IL10: variants seen among roughly 807,000 people sequenced by gnomAD.
The protein encoded by IL10 is interleukin 10, also known as interleukin-10.
Under a neutral mutation model 21.0 loss-of-function variants are expected in IL10, and 7 were observed. The observed-to-expected ratio is 0.33, with a 90% CI of 0.19 to 0.63. The LOEUF (loss-of-function observed/expected upper bound fraction) is 0.63. Ranked by LOEUF, IL10 falls within the 20% of genes least tolerant of loss-of-function variation. The pLI is 0.77. For missense variants in IL10, 161 were observed against 213.0 expected (o/e 0.76, Z 1.52); for synonymous variants, 83 against 79.7 (o/e 1.04, Z -0.22).
intron 4 of IL10, among the ~76,000 whole-genome samples, chr1:206,769,178 T>C (rs1488012457): frequency 2.0e-5 from 3 of 152,196 alleles, no homozygotes; most frequent in African/African-American, 7.2e-5. Context: ...CACCCCCTGA[T>C]GTTGGCACTC....
Position 206,768,308 on chromosome 1 carries a change from A to AT in IL10, c.*327dup, listed in dbSNP as rs9282739. On this transcript the variant is annotated 3_prime_UTR_variant, in exon 5 of 5. Coordinates refer to ENST00000423557, the MANE Select transcript of IL10 (RefSeq NM_000572.3). The stretch of plus-strand genomic sequence containing the variant: ...AGCTTCTGTTGGCTCCCCAAAGAAC[A>AT]TTTTTTTTCCTCCCTTATGTAACTT... 5.9e-5 allele frequency: 19 copies of AT among 323,774 alleles called. No homozygotes were observed. The highest frequency in any genetic ancestry group is 5.6e-4 in the South Asian group (12 of 21,264). 20.1% of individuals were successfully genotyped at this position (323,774 alleles called of 1,614,324 possible). A position where few individuals can be genotyped will look rare whatever the true frequency, so the allele number is the denominator to read the frequency against.
At chr1:206,770,571 CGCCCAGGGT>C (rs1674798432) in intron 3 of IL10, 2 of 366,422 alleles carry the variant, frequency 5.5e-6, no homozygotes, top group Non-Finnish European at 5.1e-6. Context: ...CTTAGCTCCC[CGCCCAGGGT>C]CTAGTTACAA....
rs755490123 is a variant in IL10, at chr1:206,770,965, G to A, written c.320C>T (p.Ala107Val). The A allele has an allele frequency of 9.9e-6, 16 of 1,613,956 alleles. No individual in the cohort carries two copies. The highest frequency in any genetic ancestry group is 4.5e-5 in the East Asian group (2 of 44,898). The change falls in exon 3 of 5, where the codon GCG (alanine) becomes GTG (valine). Residue 107 changes from alanine to valine, a missense_variant. By Grantham distance (64) the Ala-to-Val change is moderately conservative. Coordinates refer to ENST00000423557, the MANE Select transcript of IL10 (RefSeq NM_000572.3). Reference protein sequence around the residue: ...QAENQDPDIKAHVNSLGENLK... With the variant: ...QAENQDPDIKVHVNSLGENLK... Reference sequence around the variant, plus strand: ...GTTCTCCCCCAGGGAGTTCACATGCGCCTTGATGTCTGGGTCTTGGTTCTC... The same window carrying A: ...GTTCTCCCCCAGGGAGTTCACATGCACCTTGATGTCTGGGTCTTGGTTCTC...
At chr1:206,771,154 C>G in intron 2 of IL10, 95 bp from the exon 3 acceptor site, 2 of 1,410,790 alleles carry the variant, frequency 1.4e-6, no homozygotes, top group Non-Finnish European at 2.0e-6. Context: ...TTGGTTCTAG[C>G]GATCCTCCTT....
chr1:206,769,427 C>T (rs1451180721), intron 4 of IL10, among the ~76,000 whole-genome samples: 4 of 152,244 alleles, frequency 2.6e-5, no homozygotes, highest in African/African-American at 7.2e-5. Flanking sequence ...TGGGCTGAAC[C>T]CCCAGGTGTA....
At chr1:206,771,320 C>A in intron 2 of IL10, 36 bp downstream of exon 2, 1 of 1,581,812 alleles carries the variant, frequency 6.3e-7, no homozygotes, top group Non-Finnish European at 8.7e-7. Flanking sequence ...CTTAATCATG[C>A]TGCACACTCC....
At chr1:206,770,139 C>G (rs997710029) in intron 3 of IL10, among the ~76,000 whole-genome samples, 2 of 152,194 alleles carry the variant, frequency 1.3e-5, no homozygotes, top group Non-Finnish European at 2.9e-5. Context: ...CTTCCTCCCC[C>G]AGAACTCTAC....
intron 4 of IL10, among the ~76,000 whole-genome samples, chr1:206,769,172 C>G (rs1244089646): frequency 6.6e-6 from 1 of 152,194 alleles, no homozygotes; most frequent in Non-Finnish European, 1.5e-5. Context: ...AATTCACACC[C>G]CCTGATGTTG....
Position 206,770,900 on chromosome 1 carries a change from T to C in IL10, c.378+7A>G. 6.2e-6 allele frequency: 10 copies of C among 1,613,986 alleles called. No individual in the cohort carries two copies. Among genetic ancestry groups the C allele is most frequent in the Non-Finnish European group, 8.5e-6 (10 of 1,179,874 alleles). On this transcript the variant is annotated splice_region_variant and intron_variant, in intron 3 of 4. Transcript: ENST00000423557. The stretch of plus-strand genomic sequence containing the variant: ...GCTGCAAGGGAAAAAACTGATCTGC[T>C]ACTTACACAGCGCCGTAGCCTCAGC...
intron 1 of IL10, 28 bp from the exon 2 acceptor site, chr1:206,771,443 C>G: frequency 6.3e-7 from 1 of 1,575,294 alleles, no homozygotes. Flanking sequence ...GGAGAATGAA[C>G]TTGAGGTTTG....
intron 3 of IL10, among the ~76,000 whole-genome samples, chr1:206,770,148 A>G (rs1029185261): frequency 5.9e-5 from 9 of 152,102 alleles, no homozygotes; most frequent in Admixed American, 5.9e-4. Context: ...CCAGAACTCT[A>G]CAGTATCTCC....
At chr1:206,771,689 C>T (rs1204580856) in intron 1 of IL10, among the ~76,000 whole-genome samples, 2 of 152,200 alleles carry the variant, frequency 1.3e-5, no homozygotes, top group African/African-American at 4.8e-5. Flanking sequence ...CTTCTTTCTG[C>T]GGAGCTACAT....
rs1444425736 is a variant in IL10 at position 206,768,579 on chromosome 1, G to A, written c.*57C>T. The A allele has an allele frequency of 8.0e-6, 8 of 1,005,804 alleles. No homozygotes were observed. Among genetic ancestry groups the A allele is most frequent in the South Asian group, 3.9e-5 (3 of 77,554 alleles). 62.3% of individuals were successfully genotyped at this position (1,005,804 alleles called of 1,614,324 possible). The stretch of plus-strand genomic sequence containing the variant: ...TCAGCTATCCCAGAGCCCCAGATCC[G>A]ATTTTGGAGACCTCTAATTTATGTC... On this transcript the variant is annotated 3_prime_UTR_variant, in exon 5 of 5. Transcript: ENST00000423557.
intron 3 of IL10, 87 bp from the exon 4 acceptor site, chr1:206,769,981 G>T: frequency 1.9e-6 from 2 of 1,060,650 alleles, no homozygotes; most frequent in Non-Finnish European, 2.9e-6. Context: ...GGCATCATGA[G>T]GAGGCCAGAT....
chr1:206,769,472 A>T, intron 4 of IL10: 1 of 390,216 alleles, frequency 2.6e-6, no homozygotes, highest in East Asian at 5.6e-5. Flanking sequence ...AGCTTCCTGC[A>T]CGTGTGGGTT....
intron 4 of IL10, among the ~76,000 whole-genome samples, chr1:206,769,430 C>T (rs1471360506): frequency 6.6e-6 from 1 of 152,228 alleles, no homozygotes; most frequent in African/African-American, 2.4e-5. Flanking sequence ...GCTGAACCCC[C>T]AGGTGTATTT....
Position 206,771,077 on chromosome 1 carries a change from AG to A in IL10, c.226-19del. ...AGGTAACCCTAAGGGCAGGAGCCAA[AG>A]GTGAGTGAGAGATTGGCGGAGGTGG... On this transcript the variant is annotated intron_variant, in intron 2 of 4. Coordinates refer to ENST00000423557, the MANE Select transcript of IL10 (RefSeq NM_000572.3). 2 of 1,613,956 alleles carry A rather than the reference AG, an allele frequency of 1.2e-6. No homozygotes were observed. Among genetic ancestry groups the A allele is most frequent in the Non-Finnish European group, 1.7e-6 (2 of 1,179,890 alleles).
In IL10 at chr1:206,770,924, G is replaced by A. The variant is rs1162694380; in HGVS notation, c.361C>T (p.Leu121=). The stretch of plus-strand genomic sequence containing the variant: ...CTACTTACACAGCGCCGTAGCCTCA[G>A]CCTGAGGGTCTTCAGGTTCTCCCCC... ...SLGENLKTLR[L]RLRRCHRFLP... The change falls in exon 3 of 5, where the codon CTG becomes TTG. Residue 121 remains leucine (L), a synonymous_variant. Coordinates refer to ENST00000423557, the MANE Select transcript of IL10 (RefSeq NM_000572.3). 6.2e-7 allele frequency: 1 copy of A among 1,614,134 alleles called. No homozygotes were observed.
chr1:206,771,147 G>A, intron 2 of IL10, 88 bp from the exon 3 acceptor site: 1 of 1,445,904 alleles, frequency 6.9e-7, no homozygotes, highest in Non-Finnish European at 9.7e-7. Context: ...GGACAGCTTG[G>A]TTCTAGCGAT....
Sources: gnomAD v4.1 joint callset for allele counts (sites outside exome capture counted in the v4.1 genomes callset) on GRCh38, gnomAD v4.1.1 for gene constraint, MANE v1.5 for transcripts, NCBI Gene and HGNC (gene_info 2026-07-23, HGNC 2026-07-21) for gene names.